DSCAML1: variants seen among roughly 807,000 people sequenced by gnomAD.
The protein encoded by DSCAML1 is cell adhesion molecule DSCAML1.
DSCAML1 carries 38 observed loss-of-function variants against 200.5 expected under a neutral mutation model. That is an observed-to-expected ratio of 0.19 (90% CI 0.15 to 0.25). DSCAML1 has a LOEUF of 0.25. Ranked by LOEUF, DSCAML1 falls within the 10% of genes least tolerant of loss-of-function variation. The pLI, the probability that DSCAML1 is intolerant of heterozygous loss-of-function variation, is 1.00. For missense variants in DSCAML1, 2,223 were observed against 2,858.8 expected, an observed-to-expected ratio of 0.78 and a Z score of 5.07; for synonymous variants, 1,215 against 1,165.0, an observed-to-expected ratio of 1.04 and a Z score of -0.87.
chr11:117,774,448 T>C (rs1406450815), intron 3 of DSCAML1, among the ~76,000 whole-genome samples: 1 of 152,202 alleles, frequency 6.6e-6, no homozygotes, highest in Non-Finnish European at 1.5e-5. Flanking sequence ...ATTGTTCATA[T>C]ATTGATTCAT....
intron 3 of DSCAML1, among the ~76,000 whole-genome samples, chr11:117,621,691 T>C (rs913134462): frequency 6.6e-6 from 1 of 152,252 alleles, no homozygotes; most frequent in Admixed American, 6.5e-5. Context: ...AGCTGGGTTC[T>C]CTCATGAATT....
At chr11:117,444,247 G>A (rs1205067775) in intron 20 of DSCAML1, among the ~76,000 whole-genome samples, 1 of 152,180 alleles carries the variant, frequency 6.6e-6, no homozygotes, top group African/African-American at 2.4e-5. Flanking sequence ...GGCCTGCCTC[G>A]CGGTGTTGCT....
chr11:117,509,706 A>C (rs182853620), intron 8 of DSCAML1, among the ~76,000 whole-genome samples: 1 of 152,174 alleles, frequency 6.6e-6, no homozygotes, highest in Admixed American at 6.5e-5. Flanking sequence ...TGGCTGTCCA[A>C]ATGGGGCTTG....
chr11:117,488,177 G>A lies in DSCAML1; in HGVS notation c.2360-6015C>T, dbSNP rs541033613. 3.6e-4 allele frequency among the ~76,000 whole-genome samples: 54 copies of A among 152,092 alleles called. 1 individual carries two copies. Among genetic ancestry groups the A allele is most frequent in the Non-Finnish European group, 7.1e-4 (48 of 68,022 alleles). The stretch of plus-strand genomic sequence containing the variant: ...ACTCTGCCACTGTGCCCCTCCATCC[G>A]GCCCTGCACCCAGCCTCCAAGGACC... On this transcript the variant is annotated intron_variant, in intron 11 of 32. Coordinates refer to ENST00000651296, the MANE Select transcript of DSCAML1 (RefSeq NM_020693.4).
chr11:117,765,344 G>T (rs1333668269), intron 3 of DSCAML1, among the ~76,000 whole-genome samples: 2 of 152,244 alleles, frequency 1.3e-5, no homozygotes, highest in Admixed American at 1.3e-4. Flanking sequence ...CGTAATGGGA[G>T]GCTTGGGCTT....
intron 23 of DSCAML1, 63 bp downstream of exon 23, chr11:117,439,203 G>A: frequency 6.3e-7 from 1 of 1,585,916 alleles, no homozygotes; most frequent in Admixed American, 1.7e-5. Context: ...CTCGCATGAT[G>A]GAATCCCTAC....
intron 3 of DSCAML1, among the ~76,000 whole-genome samples, chr11:117,567,232 C>T (rs1406271954): frequency 6.6e-6 from 1 of 152,184 alleles, no homozygotes; most frequent in Non-Finnish European, 1.5e-5. Context: ...ACATCCTCTC[C>T]AGCACCTGTT....
chr11:117,734,999 C>T (rs903962078), intron 3 of DSCAML1, among the ~76,000 whole-genome samples: 9 of 152,094 alleles, frequency 5.9e-5, no homozygotes, highest in Non-Finnish European at 1.3e-4. Context: ...GGGAGGGGGG[C>T]GTTTAATGGG....
At position 117,482,105 on chromosome 11, in the gene DSCAML1, T is replaced by C; in HGVS notation, c.2417A>G (p.Lys806Arg). Reference sequence around the variant, plus strand: ...ACCCCGTGCCGTGCAGTTTAGCTCCTTCGCATGGCCCTTGATGGCGATGGT... The same window carrying C: ...ACCCCGTGCCGTGCAGTTTAGCTCCCTCGCATGGCCCTTGATGGCGATGGT... ...NTTIAIKGHA[K>R]ELNCTARGER... The change falls in exon 12 of 33, where the codon AAG (lysine) becomes AGG (arginine). Residue 806 changes from lysine (K) to arginine (R), a missense_variant. By Grantham distance (26) the Lys-to-Arg change is conservative (BLOSUM62 2). Coordinates refer to ENST00000651296, the MANE Select transcript of DSCAML1 (RefSeq NM_020693.4). The C allele has an allele frequency of 5.0e-6, 8 of 1,614,166 alleles. No homozygotes were observed. Among genetic ancestry groups the C allele is most frequent in the South Asian group, 2.2e-5 (2 of 91,086 alleles).
At chr11:117,433,290 C>A in intron 28 of DSCAML1, 34 bp from the exon 29 acceptor site, 1 of 1,587,882 alleles carries the variant, frequency 6.3e-7, no homozygotes, top group Non-Finnish European at 8.6e-7. Flanking sequence ...GGTGGCTCAG[C>A]AGCCATAAGG....
intron 26 of DSCAML1, among the ~76,000 whole-genome samples, chr11:117,436,414 C>T (rs1379232781): frequency 6.6e-6 from 1 of 152,128 alleles, no homozygotes; most frequent in Non-Finnish European, 1.5e-5. Flanking sequence ...TGCTTGAGTC[C>T]ATCCCCTTTT....
chr11:117,465,985 A>G (rs2048572707), intron 16 of DSCAML1, among the ~76,000 whole-genome samples: 1 of 152,228 alleles, frequency 6.6e-6, no homozygotes, highest in South Asian at 2.1e-4. Flanking sequence ...GACCCTGTAC[A>G]TTGCTGGTGG....
intron 3 of DSCAML1, among the ~76,000 whole-genome samples, chr11:117,577,835 G>C (rs1376396196): frequency 6.6e-6 from 1 of 151,708 alleles, no homozygotes; most frequent in Non-Finnish European, 1.5e-5. Context: ...CCAAAGTGCT[G>C]GGATTACAGG....
At chr11:117,514,245 C>A (rs920036876) in intron 8 of DSCAML1, among the ~76,000 whole-genome samples, 4 of 152,340 alleles carry the variant, frequency 2.6e-5, no homozygotes, top group Middle Eastern at 3.4e-3. Context: ...TCCCTCTCTT[C>A]CCTTGGGGAT....
chr11:117,797,396 G>A, upstream of DSCAML1: 3 of 690,112 alleles, frequency 4.3e-6, no homozygotes, highest in Non-Finnish European at 6.2e-6. Context: ...GGGCCAGACC[G>A]CCCCGACCCG....
rs758014998 is a variant in DSCAML1 at position 117,428,553 on chromosome 11, G to T, written c.5937C>A (p.Pro1979=). Residue 1979 remains proline, a synonymous_variant, in exon 33 of 33, where the codon CCC becomes CCA. Transcript: ENST00000651296. ...GGGCTGGGGGGGCTGTGCCGGCTGG[G>T]GGGGCTGGCATGGCCAGAGTCCTCT... The part of the protein sequence containing the change: ...LPQRTLAMPA[P]PAGTAPPAPG... 1.3e-6 allele frequency: 2 copies of T among 1,546,368 alleles called. No individual in the cohort carries two copies. Among genetic ancestry groups the T allele is most frequent in the Admixed American group, 1.9e-5 (1 of 51,972 alleles).
intron 3 of DSCAML1, among the ~76,000 whole-genome samples, chr11:117,756,891 C>T (rs1403500112): frequency 1.3e-5 from 2 of 152,144 alleles, no homozygotes; most frequent in African/African-American, 4.8e-5. Context: ...CCTGGATGAA[C>T]TCAGATCCAA....
chr11:117,623,222 T>C (rs528404612), intron 3 of DSCAML1, among the ~76,000 whole-genome samples: 5 of 144,182 alleles, frequency 3.5e-5, no homozygotes, highest in East Asian at 2.0e-4. Flanking sequence ...TTTTCTTTTT[T>C]TTTTTTTTTT....
intron 3 of DSCAML1, among the ~76,000 whole-genome samples, chr11:117,772,756 T>C (rs2055062326): frequency 6.6e-6 from 1 of 152,220 alleles, no homozygotes; most frequent in African/African-American, 2.4e-5. Flanking sequence ...CTGGAGGCGT[T>C]AATTTTAATT....
Sources: gnomAD v4.1 joint callset for allele counts (sites outside exome capture counted in the v4.1 genomes callset) on GRCh38, gnomAD v4.1.1 for gene constraint, MANE v1.5 for transcripts, NCBI Gene and HGNC (gene_info 2026-07-23, HGNC 2026-07-21) for gene names.